The following PARG variants were observed in gnomAD, a reference collection of about 807,000 sequenced individuals.
The protein encoded by PARG is mitochondrial poly(ADP-ribose) glycohydrolase.
A neutral mutation model predicts 113.0 loss-of-function variants in PARG; 35 were observed. The ratio of observed to expected loss-of-function variants is 0.31; its 90% confidence interval spans 0.24 to 0.41. The LOEUF (loss-of-function observed/expected upper bound fraction) is 0.41. Ranked by LOEUF, PARG falls within the 10% of genes least tolerant of loss-of-function variation. The pLI is 1.00. For missense variants in PARG, 797 were observed against 1,169.4 expected (o/e 0.68, Z 4.64); for synonymous variants, 330 against 409.9 (o/e 0.81, Z 2.36).
rs372016698 is a variant in PARG at position 49,831,905 on chromosome 10, G to A, written c.2647+898C>T. Among the ~76,000 whole-genome samples, 42 of 152,262 alleles carry A rather than the reference G, an allele frequency of 2.8e-4. 1 individual carries two copies. In the South Asian group the frequency reaches 8.3e-3, roughly 30 times the overall value. ...TGGACAGAAATGTGCGTGGCCTGGG[G>A]ATTCCCCTGAAACTTGTGGATGGAG... is the stretch of plus-strand genomic sequence containing the variant. On this transcript the variant is annotated intron_variant, in intron 16 of 17. Coordinates refer to ENST00000616448, the MANE Select transcript of PARG (RefSeq NM_003631.5).
At chr10:49,887,112 T>C (rs1657207252) in intron 7 of PARG, among the ~76,000 whole-genome samples, 1 of 151,918 alleles carries the variant, frequency 6.6e-6, no homozygotes, top group Non-Finnish European at 1.5e-5. Flanking sequence ...TGCTGTGGCA[T>C]GACCATAGCT....
intron 7 of PARG, among the ~76,000 whole-genome samples, chr10:49,900,997 G>A (rs1848324418): frequency 6.6e-6 from 1 of 152,098 alleles, no homozygotes; most frequent in Non-Finnish European, 1.5e-5. Flanking sequence ...GATGTAATTT[G>A]TCCAAGAAAT....
chr10:49,820,320 A>G, intron 16 of PARG, 27 bp from the exon 17 acceptor site: 2 of 1,520,710 alleles, frequency 1.3e-6, no homozygotes, highest in South Asian at 1.2e-5. Context: ...AGACACGGCT[A>G]TATCATGACA....
intron 4 of PARG, among the ~76,000 whole-genome samples, chr10:49,927,325 A>AGAAG (rs1226339774): frequency 7.3e-6 from 1 of 136,338 alleles, no homozygotes; most frequent in East Asian, 2.1e-4. Flanking sequence ...AAAGAAAGAA[A>AGAAG]GAAGGAAAGA....
intron 7 of PARG, among the ~76,000 whole-genome samples, chr10:49,913,849 G>A (rs1388796478): frequency 6.6e-6 from 1 of 152,138 alleles, no homozygotes; most frequent in African/African-American, 2.4e-5. Context: ...ATTGCAGTGA[G>A]CTGAGATTGT....
chr10:49,852,733 T>C (rs1845812607), intron 13 of PARG, among the ~76,000 whole-genome samples: 1 of 151,222 alleles, frequency 6.6e-6, no homozygotes, highest in Non-Finnish European at 1.5e-5. Context: ...CCTGGCTAAT[T>C]TTTTGTATTT....
At chr10:49,884,460 G>A (rs1302934024) in intron 8 of PARG, among the ~76,000 whole-genome samples, 12 of 152,208 alleles carry the variant, frequency 7.9e-5, no homozygotes, top group African/African-American at 2.7e-4. Flanking sequence ...GTAGCCAGGT[G>A]TGGTGGCGCA....
chr10:49,895,478 A>G (rs1848035880), intron 7 of PARG, among the ~76,000 whole-genome samples: 2 of 151,418 alleles, frequency 1.3e-5, no homozygotes, highest in Admixed American at 6.6e-5. Flanking sequence ...ATCTCGGCTC[A>G]CTGCAACCTC....
In PARG at chr10:49,937,335, A is replaced by G. The variant is rs1384020056; in HGVS notation, c.218-2193T>C. 1.0e-3 allele frequency among the ~76,000 whole-genome samples: 158 copies of G among 152,156 alleles called. 3 individuals carry two copies. The South Asian group carries it at 0.03, about 29-fold the overall frequency. On this transcript the variant is annotated intron_variant, in intron 1 of 17. Coordinates refer to ENST00000616448, the MANE Select transcript of PARG (RefSeq NM_003631.5). The stretch of plus-strand genomic sequence containing the variant: ...ACTAAAGATACAAAAAATTAGCCAG[A>G]CGTGGTGGCGGGCGCCTGTAGTCCC...
At chr10:49,828,121 A>AAAAAAAAC (rs1844463616) in intron 16 of PARG, among the ~76,000 whole-genome samples, 1 of 146,978 alleles carries the variant, frequency 6.8e-6, no homozygotes, top group Non-Finnish European at 1.5e-5. Flanking sequence ...AAAAAAAAAA[A>AAAAAAAAC]AGCTCCTTCT....
chr10:49,838,390 C>T (rs1845053674), intron 15 of PARG, among the ~76,000 whole-genome samples: 2 of 137,964 alleles, frequency 1.4e-5, no homozygotes, highest in African/African-American at 5.5e-5. Flanking sequence ...GAGATCATGC[C>T]ATTGCACTCC....
At chr10:49,878,057 T>A (rs550999147) in intron 9 of PARG, among the ~76,000 whole-genome samples, 3 of 152,148 alleles carry the variant, frequency 2.0e-5, no homozygotes, top group Non-Finnish European at 4.4e-5. Flanking sequence ...AGTATCATGA[T>A]CCCCCTGATA....
intron 16 of PARG, among the ~76,000 whole-genome samples, chr10:49,823,496 T>A (rs917702453): frequency 6.6e-6 from 1 of 152,182 alleles, no homozygotes; most frequent in African/African-American, 2.4e-5. Context: ...TGACTATGCC[T>A]CATTAATCTC....
chr10:49,906,817 G>A (rs1344592442), intron 7 of PARG, among the ~76,000 whole-genome samples: 2 of 152,198 alleles, frequency 1.3e-5, no homozygotes, highest in African/African-American at 4.8e-5. Context: ...TGTAGAAGAG[G>A]TGAGTCTGGG....
intron 15 of PARG, among the ~76,000 whole-genome samples, chr10:49,838,181 G>A (rs782453774): frequency 1.9e-4 from 29 of 151,956 alleles, no homozygotes; most frequent in Non-Finnish European, 2.8e-4. Flanking sequence ...CTGTAATCCC[G>A]GCACTTTGGG....
intron 7 of PARG, among the ~76,000 whole-genome samples, chr10:49,901,691 CAAATGCT>C (rs1554843807): frequency 6.6e-6 from 1 of 151,852 alleles, no homozygotes; most frequent in Non-Finnish European, 1.5e-5. Context: ...GTAGTTAAAA[CAAATGCT>C]ATTACAATGA....
At position 49,843,414 on chromosome 10, in the gene PARG, C is replaced by T. The variant is rs562225740; in HGVS notation, c.2432+140G>A. 28 of 658,444 alleles carry T rather than the reference C, an allele frequency of 4.3e-5. No individual in the cohort carries two copies. The Admixed American group carries it at 6.5e-4, about 15-fold the overall frequency. The allele number at this position is 658,444 out of a possible 1,614,324, so 40.8% of individuals were successfully genotyped here. On this transcript the variant is annotated intron_variant, in intron 14 of 17. Coordinates refer to ENST00000616448, the MANE Select transcript of PARG (RefSeq NM_003631.5). Reference sequence around the variant, plus strand: ...TAATAGTGTTTTCAATGCCAATGAACCTGTAATGCTGATTTCTTTTCTTTT... The same window carrying T: ...TAATAGTGTTTTCAATGCCAATGAATCTGTAATGCTGATTTCTTTTCTTTT...
chr10:49,915,934 T>A lies in PARG; in HGVS notation c.1720A>T (p.Ile574Phe). 1 of 1,518,280 alleles carries A rather than the reference T, an allele frequency of 6.6e-7. No individual in the cohort carries two copies. The highest frequency in any genetic ancestry group is 9.0e-7 in the Non-Finnish European group (1 of 1,116,308). 94.1% of individuals were successfully genotyped at this position (1,518,280 alleles called of 1,614,324 possible). A position where few individuals can be genotyped will look rare whatever the true frequency, so the allele number is the denominator to read the frequency against. The change falls in exon 7 of 18, where the codon ATC becomes TTC. Residue 574 changes from isoleucine to phenylalanine, a missense_variant. By Grantham distance (21) the Ile-to-Phe change is conservative. This residue lies in a region of PARG where 252 missense variants were observed against 437.4 expected (regional missense o/e 0.58). Coordinates refer to ENST00000616448, the MANE Select transcript of PARG (RefSeq NM_003631.5). Reference sequence around the variant, plus strand: ...ACTTTTACCTTATCCCAGAAATCGATCAAAGCTGTAAAGTCCCATTTCTTA... The same window carrying A: ...ACTTTTACCTTATCCCAGAAATCGAACAAAGCTGTAAAGTCCCATTTCTTA... ...YSKKWDFTAL[I>F]DFWDKVLEEA... is the part of the protein sequence containing the mutation.
At chr10:49,892,256 C>T (rs1293815987) in intron 7 of PARG, among the ~76,000 whole-genome samples, 3 of 151,988 alleles carry the variant, frequency 2.0e-5, no homozygotes, top group African/African-American at 7.3e-5. Context: ...TGTATTTTCA[C>T]TGAAGAAAAT....
Sources: gnomAD v4.1 joint callset for allele counts (sites outside exome capture counted in the v4.1 genomes callset) on GRCh38, gnomAD v4.1.1 for gene constraint, gnomAD v4.1.1 regional missense constraint, MANE v1.5 for transcripts, NCBI Gene and HGNC (gene_info 2026-07-23, HGNC 2026-07-21) for gene names.